Variants in GPC5 observed in about 807,000 individuals in gnomAD.
The protein encoded by GPC5 is glypican-5.
A neutral mutation model predicts 53.9 loss-of-function variants in GPC5; 47 were observed. That is an observed-to-expected ratio of 0.87 (90% CI 0.69 to 1.11). GPC5 has a LOEUF of 1.11. Ranked by LOEUF, GPC5 falls within the 50% of genes most tolerant of loss-of-function variation. The pLI, the probability that GPC5 is intolerant of heterozygous loss-of-function variation, is 0.00. For synonymous variants in GPC5, 286 were observed against 263.3 expected, an observed-to-expected ratio of 1.09 and a Z score of -0.84; for missense variants, 748 against 713.1, an observed-to-expected ratio of 1.05 and a Z score of -0.56.
At chr13:92,424,446 A>C (rs1320887769) in intron 7 of GPC5, among the ~76,000 whole-genome samples, 1 of 152,096 alleles carries the variant, frequency 6.6e-6, no homozygotes, top group African/African-American at 2.4e-5. Context: ...TTAACTCATT[A>C]AAAAAGAATT....
chr13:91,799,764 C>T (rs2038104690), intron 5 of GPC5, among the ~76,000 whole-genome samples: 1 of 152,124 alleles, frequency 6.6e-6, no homozygotes, highest in Admixed American at 6.6e-5. Flanking sequence ...AGGTTGCTTG[C>T]AATAGATTCT....
At chr13:91,932,597 C>A (rs1322886917) in intron 6 of GPC5, among the ~76,000 whole-genome samples, 1 of 152,020 alleles carries the variant, frequency 6.6e-6, no homozygotes, top group Non-Finnish European at 1.5e-5. Context: ...GTCAGACAGT[C>A]ATTTGGGCTT....
chr13:92,717,699 T>C (rs1888376662), intron 7 of GPC5, among the ~76,000 whole-genome samples: 1 of 152,210 alleles, frequency 6.6e-6, no homozygotes, highest in Admixed American at 6.5e-5. Context: ...AGAAATAATT[T>C]AATGCTGAAA....
intron 3 of GPC5, among the ~76,000 whole-genome samples, chr13:91,716,688 A>G (rs1449327704): frequency 1.3e-5 from 2 of 152,186 alleles, no homozygotes; most frequent in Non-Finnish European, 2.9e-5. Context: ...CTCACTGTGC[A>G]ATATATGACA....
intron 2 of GPC5, among the ~76,000 whole-genome samples, chr13:91,475,956 C>T (rs1049055089): frequency 1.1e-4 from 16 of 152,156 alleles, no homozygotes; most frequent in African/African-American, 3.9e-4. Flanking sequence ...AACACAATTT[C>T]AAATCTTGTA....
At chr13:92,010,520 A>G (rs935129858) in intron 6 of GPC5, among the ~76,000 whole-genome samples, 1 of 152,240 alleles carries the variant, frequency 6.6e-6, no homozygotes, top group Admixed American at 6.5e-5. Context: ...GAATCTCTAT[A>G]TTGAAGCACT....
At chr13:92,497,901 C>T (rs1286693293) in intron 7 of GPC5, among the ~76,000 whole-genome samples, 1 of 151,756 alleles carries the variant, frequency 6.6e-6, no homozygotes, top group Admixed American at 6.6e-5. Flanking sequence ...CTTGTCTATT[C>T]TTGGTATATA....
chr13:91,754,522 A>AT (rs1411031343), intron 4 of GPC5, among the ~76,000 whole-genome samples: 1 of 152,128 alleles, frequency 6.6e-6, no homozygotes, highest in East Asian at 1.9e-4. Context: ...ATTTTACATC[A>AT]TCAATTTAAA....
At chr13:91,728,061 G>A (rs1381581570) in intron 3 of GPC5, among the ~76,000 whole-genome samples, 9 of 151,986 alleles carry the variant, frequency 5.9e-5, no homozygotes, top group Non-Finnish European at 8.8e-5. Context: ...AATATTAATC[G>A]TCATTTCTAA....
chr13:92,541,204 T>A (rs1881920681), intron 7 of GPC5, among the ~76,000 whole-genome samples: 1 of 151,802 alleles, frequency 6.6e-6, no homozygotes, highest in South Asian at 2.1e-4. Context: ...GTTTCTGAAA[T>A]GCGTGTAAGG....
chr13:91,507,971 A>G (rs1158137467), intron 2 of GPC5, among the ~76,000 whole-genome samples: 1 of 152,220 alleles, frequency 6.6e-6, no homozygotes, highest in Non-Finnish European at 1.5e-5. Context: ...CAATGATACT[A>G]AAATAATATA....
At chr13:91,678,471 T>A (rs540275676) in intron 2 of GPC5, among the ~76,000 whole-genome samples, 13 of 152,264 alleles carry the variant, frequency 8.5e-5, no homozygotes, top group African/African-American at 2.9e-4. Context: ...TTTTAAACAC[T>A]GTACTGTAGG....
intron 3 of GPC5, among the ~76,000 whole-genome samples, chr13:91,725,605 A>G (rs569819658): frequency 1.2e-4 from 18 of 152,228 alleles, no homozygotes; most frequent in Non-Finnish European, 2.6e-4. Context: ...AATCAAAGAT[A>G]TCTTATAAGT....
At chr13:92,664,323 G>A (rs887252834) in intron 7 of GPC5, among the ~76,000 whole-genome samples, 10 of 150,538 alleles carry the variant, frequency 6.6e-5, no homozygotes, top group African/African-American at 2.2e-4. Flanking sequence ...TCTAGGCTTT[G>A]GATCACCCTG....
intron 2 of GPC5, among the ~76,000 whole-genome samples, chr13:91,571,769 G>GTGTGTGTA (rs1555325776): frequency 8.7e-6 from 1 of 114,302 alleles, no homozygotes; most frequent in African/African-American, 3.6e-5. Context: ...ATGTGTATGT[G>GTGTGTGTA]TATATACACA....
intron 7 of GPC5, among the ~76,000 whole-genome samples, chr13:92,616,311 A>G (rs1884689678): frequency 6.6e-6 from 1 of 152,188 alleles, no homozygotes; most frequent in Non-Finnish European, 1.5e-5. Flanking sequence ...AGAGTTTTCA[A>G]TATTTTAGTC....
At chr13:91,962,006 A>C (rs1360258930) in intron 6 of GPC5, among the ~76,000 whole-genome samples, 1 of 152,200 alleles carries the variant, frequency 6.6e-6, no homozygotes, top group Non-Finnish European at 1.5e-5. Flanking sequence ...AGACAAAGTA[A>C]AAGTAGCAAC....
At chr13:91,419,990 C>T (rs1878497927) in intron 1 of GPC5, among the ~76,000 whole-genome samples, 1 of 152,024 alleles carries the variant, frequency 6.6e-6, no homozygotes, top group South Asian at 2.1e-4. Context: ...GTTTAATGAA[C>T]AGGTGAGTGG....
intron 6 of GPC5, among the ~76,000 whole-genome samples, chr13:91,923,828 A>T (rs1229270393): frequency 1.3e-5 from 2 of 152,050 alleles, no homozygotes; most frequent in Non-Finnish European, 2.9e-5. Context: ...TTCATTTAAT[A>T]CTCCTTTTCT....
Sources: allele counts gnomAD v4.1 joint callset (sites outside exome capture counted in the v4.1 genomes callset), GRCh38; gene constraint gnomAD v4.1.1; transcripts MANE v1.5; gene names NCBI Gene and HGNC (gene_info 2026-07-23, HGNC 2026-07-21).